The following PFKP variants were observed in gnomAD, a reference collection of about 807,000 sequenced individuals.
The protein encoded by PFKP is ATP-dependent 6-phosphofructokinase, platelet type.
Under a neutral mutation model 94.3 loss-of-function variants are expected in PFKP, and 101 were observed. The ratio of observed to expected loss-of-function variants is 1.07; its 90% confidence interval spans 0.91 to 1.26. The LOEUF (loss-of-function observed/expected upper bound fraction) is 1.26. Among genes scored for constraint, PFKP ranks in the 50% most tolerant of loss-of-function variants. The probability of loss-of-function intolerance (pLI) is 0.00; values close to 1 mark genes in which losing one functional copy is unlikely to be tolerated. For synonymous variants in PFKP, 573 were observed against 432.6 expected (o/e 1.32, Z -4.03); for missense variants, 1,145 against 1,103.3 (o/e 1.04, Z -0.53).
intron 2 of PFKP, among the ~76,000 whole-genome samples, chr10:3,096,466 C>T (rs1834487057): frequency 6.6e-6 from 1 of 152,140 alleles, no homozygotes; most frequent in Non-Finnish European, 1.5e-5. Flanking sequence ...GCCGGAGCCC[C>T]AGGTTTACGG....
chr10:3,081,829 TTA>T lies in PFKP; in HGVS notation c.113-555_113-554del, dbSNP rs547097327. Among the ~76,000 whole-genome samples the T allele has an allele frequency of 2.6e-5, 4 of 152,302 alleles. No homozygotes were observed. In the South Asian group the frequency reaches 6.2e-4, roughly 24 times the overall value. On this transcript the variant is annotated intron_variant, in intron 1 of 21. Transcript: ENST00000381125. ...ACATGATGATACATTGTAAACAGAC[TTA>T]TATGATGATACATTGTATAACACTG... is the stretch of plus-strand genomic sequence containing the variant.
chr10:3,091,492 ATAT>A (rs1318420517), intron 2 of PFKP, among the ~76,000 whole-genome samples: 19 of 152,178 alleles, frequency 1.2e-4, no homozygotes, highest in Admixed American at 1.2e-3. Flanking sequence ...GAAATTGTTC[ATAT>A]TATTATAGCT....
intron 13 of PFKP, among the ~76,000 whole-genome samples, chr10:3,114,020 C>T (rs1836535536): frequency 1.3e-5 from 2 of 152,170 alleles, no homozygotes; most frequent in Admixed American, 6.5e-5. Flanking sequence ...CCCCATTTTC[C>T]TCACAAGAAA....
intron 2 of PFKP, among the ~76,000 whole-genome samples, chr10:3,098,690 AGG>A (rs1834706695): frequency 7.0e-6 from 1 of 142,146 alleles, no homozygotes; most frequent in African/African-American, 2.6e-5. Context: ...AAAAAAAAAA[AGG>A]TAATTGTCCT....
intron 2 of PFKP, among the ~76,000 whole-genome samples, chr10:3,087,990 T>TCTTTC (rs71383143): frequency 2.8e-5 from 2 of 70,928 alleles, no homozygotes; most frequent in African/African-American, 7.7e-5. Flanking sequence ...CATTCTTTTT[T>TCTTTC]TTTTTTTTTT....
intron 18 of PFKP, 25 bp from the exon 19 acceptor site, chr10:3,133,178 A>C (rs768339516): frequency 3.8e-6 from 6 of 1,577,454 alleles, no homozygotes; most frequent in Non-Finnish European, 4.4e-6. Flanking sequence ...CGCTAAACAA[A>C]GTGACTCCTT....
At chr10:3,127,289 G>A (rs1838060700) in intron 16 of PFKP, among the ~76,000 whole-genome samples, 1 of 152,270 alleles carries the variant, frequency 6.6e-6, no homozygotes, top group South Asian at 2.1e-4. Context: ...AGGTGTCAGG[G>A]CTGCGCTGTT....
chr10:3,117,953 C>T, intron 14 of PFKP, among the ~76,000 whole-genome samples: 1 of 152,152 alleles, frequency 6.6e-6, no homozygotes, highest in Non-Finnish European at 1.5e-5. Context: ...TATAAATCTA[C>T]CAAGAGTACA....
At chr10:3,114,213 G>A (rs537810155) in intron 13 of PFKP, among the ~76,000 whole-genome samples, 4 of 151,472 alleles carry the variant, frequency 2.6e-5, no homozygotes, top group South Asian at 2.1e-4. Flanking sequence ...GCAATGGCGT[G>A]ATCTTGGCCC....
At chr10:3,130,494 C>G (rs1432270073) in intron 17 of PFKP, among the ~76,000 whole-genome samples, 1 of 152,174 alleles carries the variant, frequency 6.6e-6, no homozygotes, top group African/African-American at 2.4e-5. Context: ...CAGGCCTGGA[C>G]CCTGCAACAT....
chr10:3,080,516 CAAAAAAA>C (rs869281524), intron 1 of PFKP, among the ~76,000 whole-genome samples: 25 of 68,672 alleles, frequency 3.6e-4, no homozygotes, highest in African/African-American at 1.1e-3. Flanking sequence ...GACTCCGTCT[CAAAAAAA>C]AAAAAAAAAA....
chr10:3,070,554 A>G (rs144857314), intron 1 of PFKP, among the ~76,000 whole-genome samples: 19 of 152,206 alleles, frequency 1.2e-4, no homozygotes, highest in Admixed American at 3.9e-4. Context: ...AACATTTTGT[A>G]TTCTAAGAGC....
At position 3,109,621 on chromosome 10, in the gene PFKP, G is replaced by T. The variant is rs1028063081; in HGVS notation, c.1089+141G>T. On this transcript the variant is annotated intron_variant, in intron 10 of 21. Transcript: ENST00000381125. ...TTTCTGAGAAGGAGGTGAGCTGCCCGTGGGGAGGGAGAAGGCTTATGTTCT... is the reference window on the plus strand; with the variant it reads ...TTTCTGAGAAGGAGGTGAGCTGCCCTTGGGGAGGGAGAAGGCTTATGTTCT... 1.8e-5 allele frequency: 18 copies of T among 1,014,546 alleles called. No homozygotes were observed. The East Asian group carries it at 2.4e-4, about 13-fold the overall frequency. 62.8% of individuals were successfully genotyped at this position (1,014,546 alleles called of 1,614,324 possible).
intron 1 of PFKP, among the ~76,000 whole-genome samples, chr10:3,076,042 T>TAAAA (rs199584217): frequency 8.2e-6 from 1 of 122,168 alleles, no homozygotes; most frequent in Non-Finnish European, 1.7e-5. Context: ...AAAAAAAAAG[T>TAAAA]AAAAACCGGT....
At chr10:3,109,235 G>A in intron 9 of PFKP, 120 bp from the exon 10 acceptor site, 1 of 1,324,284 alleles carries the variant, frequency 7.6e-7, no homozygotes, top group Non-Finnish European at 1.1e-6. Flanking sequence ...GAGTTGGGCT[G>A]GAAGCGGGAG....
intron 13 of PFKP, among the ~76,000 whole-genome samples, chr10:3,114,772 A>AGT (rs1836623193): frequency 6.6e-6 from 1 of 152,238 alleles, no homozygotes; most frequent in Non-Finnish European, 1.5e-5. Flanking sequence ...CGCACAGGGC[A>AGT]GTGAGGATGG....
At chr10:3,111,654 GA>G (rs1247166654) in intron 10 of PFKP, among the ~76,000 whole-genome samples, 1 of 152,068 alleles carries the variant, frequency 6.6e-6, no homozygotes, top group Non-Finnish European at 1.5e-5. Flanking sequence ...TACAGATGAG[GA>G]AATTGAAGTT....
In PFKP at chr10:3,091,544, G is replaced by A. The variant is rs184775508; in HGVS notation, c.187-7731G>A. Among the ~76,000 whole-genome samples the A allele has an allele frequency of 1.3e-3, 201 of 152,224 alleles. 1 individual carries two copies. Among genetic ancestry groups the A allele is most frequent in the African/African-American group, 4.5e-3 (187 of 41,534 alleles). ...TCACTTAAGATTCTTGCCGAGCACC[G>A]TGGCTCATACTTGTAGTCCCAGTAC... On this transcript the variant is annotated intron_variant, in intron 2 of 21. Transcript: ENST00000381125.
chr10:3,093,988 G>C (rs1268828630), intron 2 of PFKP, among the ~76,000 whole-genome samples: 2 of 152,200 alleles, frequency 1.3e-5, no homozygotes, highest in Non-Finnish European at 2.9e-5. Context: ...CAGGTCCCAT[G>C]CTGAATTCTT....
Sources: gnomAD v4.1 joint callset for allele counts (sites outside exome capture counted in the v4.1 genomes callset) on GRCh38, gnomAD v4.1.1 for gene constraint, MANE v1.5 for transcripts, NCBI Gene and HGNC (gene_info 2026-07-23, HGNC 2026-07-21) for gene names.